DLG2: variants seen among roughly 807,000 people sequenced by gnomAD.
The protein encoded by DLG2 is discs large MAGUK scaffold protein 2.
A neutral mutation model predicts 132.5 loss-of-function variants in DLG2; 45 were observed. The observed-to-expected ratio is 0.34, with a 90% CI of 0.27 to 0.44. The LOEUF (loss-of-function observed/expected upper bound fraction) is 0.44. Among genes scored for constraint, DLG2 ranks in the 20% least tolerant of loss-of-function variants. The pLI is 1.00. For synonymous variants in DLG2, 424 were observed against 419.6 expected (o/e 1.01, Z -0.13); for missense variants, 1,045 against 1,196.9 (o/e 0.87, Z 1.87).
At chr11:83,897,911 T>C (rs902155435) in intron 15 of DLG2, among the ~76,000 whole-genome samples, 2 of 152,212 alleles carry the variant, frequency 1.3e-5, no homozygotes. Context: ...GATGGTTGTA[T>C]CATCCCCATT....
intron 11 of DLG2, among the ~76,000 whole-genome samples, chr11:84,007,346 GTTAATAT>G (rs1800168295): frequency 6.6e-6 from 1 of 151,596 alleles, no homozygotes; most frequent in Admixed American, 6.6e-5. Context: ...TGTGACAAGT[GTTAATAT>G]TTTCAATTAC....
intron 3 of DLG2, among the ~76,000 whole-genome samples, chr11:85,459,305 G>T (rs2092526288): frequency 6.6e-6 from 1 of 152,162 alleles, no homozygotes; most frequent in African/African-American, 2.4e-5. Context: ...TGTTCTACTG[G>T]CTCTGCTTGT....
chr11:84,697,920 A>G (rs1004448577), intron 6 of DLG2, among the ~76,000 whole-genome samples: 1 of 151,516 alleles, frequency 6.6e-6, no homozygotes, highest in Non-Finnish European at 1.5e-5. Flanking sequence ...ATAAAAAGTA[A>G]TGTGTTTAGT....
Position 83,465,706 on chromosome 11 carries a change from C to A in DLG2, c.2729+1002G>T, listed in dbSNP as rs1388966502. ...TACCATATGCCAAAGAGTACATGAA[C>A]AGCTTTACTAAATTCCTAATCTTGT... is the stretch of plus-strand genomic sequence containing the variant. On this transcript the variant is annotated intron_variant, in intron 26 of 27. Transcript: ENST00000376104. 5.9e-5 allele frequency among the ~76,000 whole-genome samples: 9 copies of A among 152,226 alleles called. No homozygotes were observed. In the East Asian group the frequency reaches 1.7e-3, roughly 29 times the overall value.
At chr11:84,187,740 G>C (rs1330102186) in intron 8 of DLG2, among the ~76,000 whole-genome samples, 3 of 152,082 alleles carry the variant, frequency 2.0e-5, no homozygotes, top group Middle Eastern at 3.2e-3. Flanking sequence ...TAAAGGTAAT[G>C]ATGGGTATCT....
intron 18 of DLG2, among the ~76,000 whole-genome samples, chr11:83,783,082 T>C (rs139207123): frequency 2.1e-4 from 32 of 152,330 alleles, no homozygotes; most frequent in African/African-American, 7.0e-4. Context: ...CTTATGAAAG[T>C]AATACATGTT....
intron 3 of DLG2, among the ~76,000 whole-genome samples, chr11:85,378,627 T>G (rs192496174): frequency 4.3e-4 from 65 of 152,258 alleles, no homozygotes; most frequent in African/African-American, 1.5e-3. Flanking sequence ...TAACTGATTT[T>G]TATACAAGAA....
intron 3 of DLG2, among the ~76,000 whole-genome samples, chr11:85,306,191 T>C (rs2079930901): frequency 1.3e-5 from 2 of 152,186 alleles, no homozygotes; most frequent in South Asian, 4.1e-4. Context: ...TACCTCCCCT[T>C]CTCCTGGTTT....
chr11:84,906,044 C>T (rs2091465002), intron 6 of DLG2, among the ~76,000 whole-genome samples: 1 of 152,088 alleles, frequency 6.6e-6, no homozygotes, highest in Non-Finnish European at 1.5e-5. Flanking sequence ...TCAGCAAATT[C>T]AGCACAAATA....
At chr11:83,964,997 A>C (rs1005896904) in intron 13 of DLG2, among the ~76,000 whole-genome samples, 2 of 152,006 alleles carry the variant, frequency 1.3e-5, no homozygotes, top group Non-Finnish European at 1.5e-5. Context: ...GGAAGAAATA[A>C]TATGATGGCA....
At chr11:84,316,474 C>T (rs924161208) in intron 7 of DLG2, among the ~76,000 whole-genome samples, 2 of 151,940 alleles carry the variant, frequency 1.3e-5, no homozygotes, top group Non-Finnish European at 2.9e-5. Context: ...TATTTTTTCT[C>T]TGCTCTTTAA....
At chr11:84,352,900 C>T (rs1163805843) in intron 7 of DLG2, among the ~76,000 whole-genome samples, 3 of 152,272 alleles carry the variant, frequency 2.0e-5, no homozygotes, top group Non-Finnish European at 4.4e-5. Flanking sequence ...CTAAAGAGAA[C>T]ACATAGAAGA....
intron 6 of DLG2, among the ~76,000 whole-genome samples, chr11:84,758,775 A>G (rs2067217604): frequency 6.6e-6 from 1 of 152,220 alleles, no homozygotes. Context: ...GAAGATCTTT[A>G]TTCTTTATAT....
intron 3 of DLG2, among the ~76,000 whole-genome samples, chr11:85,532,874 C>A (rs1208934399): frequency 6.6e-6 from 1 of 152,064 alleles, no homozygotes; most frequent in Non-Finnish European, 1.5e-5. Context: ...CACACCTGTT[C>A]CTTATCTTAT....
At chr11:84,737,058 G>C (rs1049125744) in intron 6 of DLG2, among the ~76,000 whole-genome samples, 1 of 151,874 alleles carries the variant, frequency 6.6e-6, no homozygotes, top group East Asian at 1.9e-4. Context: ...TTTGCCAAGA[G>C]TTTTTGTTTT....
intron 17 of DLG2, 150 bp from the exon 18 acceptor site, chr11:83,786,942 T>C (rs1287594587): frequency 4.8e-6 from 3 of 623,240 alleles, no homozygotes; most frequent in Non-Finnish European, 8.4e-6. Flanking sequence ...TGGACTTTCA[T>C]GATCTTAATC....
At chr11:85,324,644 A>G (rs2152831059) in intron 3 of DLG2, among the ~76,000 whole-genome samples, 1 of 152,342 alleles carries the variant, frequency 6.6e-6, no homozygotes, top group South Asian at 2.1e-4. Flanking sequence ...GCCTACAGAA[A>G]AAAGCTACAC....
intron 21 of DLG2, among the ~76,000 whole-genome samples, chr11:83,525,891 C>T (rs976812712): frequency 2.6e-5 from 4 of 152,198 alleles, no homozygotes; most frequent in Admixed American, 6.5e-5. Flanking sequence ...ATCTTGCTAA[C>T]GAAATACTGA....
intron 8 of DLG2, among the ~76,000 whole-genome samples, chr11:84,167,384 C>G (rs1031139757): frequency 1.3e-5 from 2 of 152,080 alleles, no homozygotes; most frequent in Admixed American, 6.5e-5. Flanking sequence ...ATGTTGAATG[C>G]ATTAAATATT....
Sources: gnomAD v4.1 joint callset for allele counts (sites outside exome capture counted in the v4.1 genomes callset) on GRCh38, gnomAD v4.1.1 for gene constraint, MANE v1.5 for transcripts, NCBI Gene and HGNC (gene_info 2026-07-23, HGNC 2026-07-21) for gene names.